The following SLCO3A1 variants were observed in gnomAD, a reference collection of about 807,000 sequenced individuals.
SLCO3A1 encodes the protein PGE1 transporter.
SLCO3A1 carries 27 observed loss-of-function variants against 63.1 expected under a neutral mutation model. That is an observed-to-expected ratio of 0.43 (90% CI 0.32 to 0.59). The LOEUF is 0.59. Ranked by LOEUF, SLCO3A1 falls within the 20% of genes least tolerant of loss-of-function variation. The pLI, the probability that SLCO3A1 is intolerant of heterozygous loss-of-function variation, is 0.09. For missense variants in SLCO3A1, 773 were observed against 945.8 expected (o/e 0.82, Z 2.40); for synonymous variants, 473 against 409.9 (o/e 1.15, Z -1.86).
intron 5 of SLCO3A1, among the ~76,000 whole-genome samples, chr15:92,123,534 A>G (rs1157916684): frequency 1.3e-5 from 2 of 152,172 alleles, no homozygotes; most frequent in African/African-American, 4.8e-5. Context: ...CTTTTACACA[A>G]AGAACTCTCT....
At chr15:92,093,529 A>C (rs943390577) in intron 2 of SLCO3A1, among the ~76,000 whole-genome samples, 1 of 152,148 alleles carries the variant, frequency 6.6e-6, no homozygotes, top group African/African-American at 2.4e-5. Flanking sequence ...CATGCAAACT[A>C]TATTACGCGG....
chr15:92,000,394 CTT>C (rs548728965), intron 2 of SLCO3A1, among the ~76,000 whole-genome samples: 4 of 145,450 alleles, frequency 2.8e-5, no homozygotes, highest in African/African-American at 7.9e-5. Context: ...TGTTTTTTTC[CTT>C]TTTTTTTAAA....
chr15:92,167,654 G>A (rs990354108), downstream of SLCO3A1, among the ~76,000 whole-genome samples: 1 of 152,200 alleles, frequency 6.6e-6, no homozygotes, highest in South Asian at 2.1e-4. Context: ...CTCACTGGTG[G>A]AAGATGCAAG....
chr15:91,918,963 C>T (rs1036070306), intron 2 of SLCO3A1, among the ~76,000 whole-genome samples: 1 of 152,204 alleles, frequency 6.6e-6, no homozygotes, highest in African/African-American at 2.4e-5. Context: ...AATCGTGACA[C>T]TATAGTGGAG....
chr15:91,974,797 C>G (rs1901034763), intron 2 of SLCO3A1, among the ~76,000 whole-genome samples: 1 of 152,172 alleles, frequency 6.6e-6, no homozygotes, highest in South Asian at 2.1e-4. Flanking sequence ...AGGGGTGACC[C>G]TGTCTTCAAG....
At chr15:91,926,596 T>TGTGTGTGTGTGTGTGTGC in intron 2 of SLCO3A1, among the ~76,000 whole-genome samples, 2,316 of 105,138 alleles carry the variant, frequency 0.022, 39 homozygotes, top group Non-Finnish European at 0.028. Context: ...TGTGTGTGTG[T>TGTGTGTGTGTGTGTGTGC]GCGCGCGCGC....
chr15:92,075,367 C>T (rs2047264840), intron 2 of SLCO3A1, among the ~76,000 whole-genome samples: 1 of 152,174 alleles, frequency 6.6e-6, no homozygotes. Flanking sequence ...GTATGGCCCC[C>T]TCTAAATGTC....
chr15:92,020,613 GAT>G (rs1377183430), intron 2 of SLCO3A1, among the ~76,000 whole-genome samples: 1 of 152,206 alleles, frequency 6.6e-6, no homozygotes, highest in Non-Finnish European at 1.5e-5. Context: ...AAGTGAGGAG[GAT>G]GGATAGACAG....
intron 2 of SLCO3A1, among the ~76,000 whole-genome samples, chr15:91,934,070 C>A (rs1899323837): frequency 6.6e-6 from 1 of 152,096 alleles, no homozygotes; most frequent in Admixed American, 6.6e-5. Context: ...TTCATGGATG[C>A]TCAGAAGACA....
At chr15:92,148,149 A>G (rs527406519) in intron 8 of SLCO3A1, among the ~76,000 whole-genome samples, 1 of 152,328 alleles carries the variant, frequency 6.6e-6, no homozygotes, top group Admixed American at 6.5e-5. Context: ...CGGAAGTTGC[A>G]GTGAGCTGAG....
At chr15:92,134,797 A>G (rs1193550839) in intron 7 of SLCO3A1, among the ~76,000 whole-genome samples, 1 of 152,208 alleles carries the variant, frequency 6.6e-6, no homozygotes, top group African/African-American at 2.4e-5. Flanking sequence ...TGGTTAGGTT[A>G]GGTTCTAAAA....
intron 2 of SLCO3A1, among the ~76,000 whole-genome samples, chr15:91,999,956 C>G (rs962259003): frequency 6.6e-6 from 1 of 152,132 alleles, no homozygotes; most frequent in African/African-American, 2.4e-5. Flanking sequence ...TGAGACCAGT[C>G]TAAATGTCCA....
chr15:92,146,683 CCTCT>C (rs1204702791), intron 7 of SLCO3A1, among the ~76,000 whole-genome samples: 1 of 152,162 alleles, frequency 6.6e-6, no homozygotes, highest in African/African-American at 2.4e-5. Flanking sequence ...AGCGCAATTT[CCTCT>C]CTAATTGTAT....
At chr15:92,051,142 C>T (rs1483174676) in intron 2 of SLCO3A1, among the ~76,000 whole-genome samples, 1 of 152,132 alleles carries the variant, frequency 6.6e-6, no homozygotes, top group African/African-American at 2.4e-5. Flanking sequence ...TGCAAATAAT[C>T]AGGGGAATTA....
At chr15:91,973,882 C>A (rs1003900578) in intron 2 of SLCO3A1, among the ~76,000 whole-genome samples, 1 of 152,204 alleles carries the variant, frequency 6.6e-6, no homozygotes, top group African/African-American at 2.4e-5. Context: ...TGAAAAGTTA[C>A]AAACTATATC....
chr15:91,915,802 G>A (rs999082507), intron 1 of SLCO3A1, among the ~76,000 whole-genome samples, 191 bp from the exon 2 acceptor site: 2 of 152,118 alleles, frequency 1.3e-5, no homozygotes. Context: ...TTAGGGTTAT[G>A]ATACTAAATA....
rs1368680182 is a variant in SLCO3A1, at chr15:92,163,653, C to T, written c.*518C>T. On this transcript the variant is annotated 3_prime_UTR_variant, in exon 10 of 10. Coordinates refer to ENST00000318445, the MANE Select transcript of SLCO3A1 (RefSeq NM_013272.4). ...TCCTCCAGGTGGGGGTGGGGGCGGG[C>T]GCACAAGTCGGAGGGGTGGAAGCAC... is the stretch of plus-strand genomic sequence containing the variant. The T allele has an allele frequency of 5.1e-6, 5 of 985,124 alleles. No individual in the cohort carries two copies. The South Asian group carries it at 1.4e-4, about 28-fold the overall frequency. 61.0% of individuals were successfully genotyped at this position (985,124 alleles called of 1,614,324 possible).
intron 2 of SLCO3A1, among the ~76,000 whole-genome samples, chr15:91,960,078 G>A (rs1900385010): frequency 6.6e-6 from 1 of 152,074 alleles, no homozygotes; most frequent in Non-Finnish European, 1.5e-5. Context: ...CCGCCTCCTG[G>A]GTTCAAAAGA....
chr15:91,986,689 G>T (rs1395757176), intron 2 of SLCO3A1, among the ~76,000 whole-genome samples: 2 of 152,104 alleles, frequency 1.3e-5, no homozygotes, highest in Non-Finnish European at 2.9e-5. Context: ...CCTGGACAGG[G>T]CAGCCCCAGA....
Sources: gnomAD v4.1 joint callset for allele counts (sites outside exome capture counted in the v4.1 genomes callset) on GRCh38, gnomAD v4.1.1 for gene constraint, MANE v1.5 for transcripts, NCBI Gene and HGNC (gene_info 2026-07-23, HGNC 2026-07-21) for gene names.